Variants in MARK3 observed in about 807,000 individuals in gnomAD.
MARK3 encodes the protein MAP/microtubule affinity-regulating kinase 3.
A neutral mutation model predicts 90.1 loss-of-function variants in MARK3; 46 were observed. The ratio of observed to expected loss-of-function variants is 0.51; its 90% CI spans 0.40 to 0.65. MARK3 has a LOEUF of 0.65. Among genes scored for constraint, MARK3 ranks in the 30% least tolerant of loss-of-function variants. The probability of loss-of-function intolerance (pLI) is 0.00; values close to 1 mark genes in which losing one functional copy is unlikely to be tolerated. For missense variants in MARK3, 818 were observed against 947.2 expected (o/e 0.86, Z 1.79); for synonymous variants, 321 against 332.6 (o/e 0.97, Z 0.38).
intron 2 of MARK3, among the ~76,000 whole-genome samples, chr14:103,414,191 ACTTTT>A (rs1012082418): frequency 6.8e-5 from 10 of 147,616 alleles, no homozygotes; most frequent in African/African-American, 1.5e-4. Flanking sequence ...ATTACTTAGT[ACTTTT>A]CTTTTCTTTC....
At chr14:103,393,388 G>A (rs2090388927) in intron 1 of MARK3, among the ~76,000 whole-genome samples, 1 of 152,108 alleles carries the variant, frequency 6.6e-6, no homozygotes, top group South Asian at 2.1e-4. Context: ...AGGAGGCTAA[G>A]GCCAGAGGAT....
intron 14 of MARK3, chr14:103,491,207 A>G: frequency 1.1e-6 from 1 of 894,348 alleles, no homozygotes; most frequent in Non-Finnish European, 1.5e-6. Context: ...ACAGTTGTCC[A>G]CAAGGCGTCC....
At chr14:103,412,512 C>G in intron 2 of MARK3, 1 of 519,584 alleles carries the variant, frequency 1.9e-6, no homozygotes, top group South Asian at 1.9e-5. Context: ...ACCTCAGTGT[C>G]CACTTGGGGG....
intron 2 of MARK3, among the ~76,000 whole-genome samples, chr14:103,418,423 T>C (rs756229973): frequency 2.0e-5 from 3 of 152,110 alleles, no homozygotes; most frequent in Non-Finnish European, 4.4e-5. Flanking sequence ...GAATAGGACA[T>C]GTTTGACCAC....
chr14:103,389,617 A>G (rs1049975385), intron 1 of MARK3, among the ~76,000 whole-genome samples: 20 of 150,246 alleles, frequency 1.3e-4, no homozygotes, highest in African/African-American at 4.6e-4. Context: ...ATTTCCAAAT[A>G]TTAATGTCCA....
At chr14:103,494,164 G>T (rs2075184529) in intron 15 of MARK3, among the ~76,000 whole-genome samples, 1 of 151,500 alleles carries the variant, frequency 6.6e-6, no homozygotes, top group African/African-American at 2.4e-5. Flanking sequence ...AACCTGGGAG[G>T]CGGAGGTTGC....
At chr14:103,473,711 TTTTG>T (rs763503594) in intron 12 of MARK3, among the ~76,000 whole-genome samples, 11 of 152,166 alleles carry the variant, frequency 7.2e-5, no homozygotes, top group Non-Finnish European at 8.8e-5. Context: ...CACTCCCGGT[TTTTG>T]TTTGTTTGTT....
chr14:103,452,974 G>A (rs542669208), intron 5 of MARK3, among the ~76,000 whole-genome samples: 1 of 152,290 alleles, frequency 6.6e-6, no homozygotes, highest in African/African-American at 2.4e-5. Context: ...TGAAACAAAT[G>A]TGTGCTTTGG....
intron 1 of MARK3, among the ~76,000 whole-genome samples, chr14:103,392,680 T>C (rs1365493370): frequency 2.6e-5 from 4 of 152,364 alleles, no homozygotes; most frequent in South Asian, 4.1e-4. Flanking sequence ...AAAAACTGTT[T>C]ATTAAAAATT....
At position 103,390,680 on chromosome 14, in the gene MARK3, T is replaced by TA. The variant is rs1206779737; in HGVS notation, c.51+4601dup. Among the ~76,000 whole-genome samples the TA allele has an allele frequency of 2.6e-5, 4 of 152,342 alleles. No individual in the cohort carries two copies. The East Asian group carries it at 7.7e-4, about 29-fold the overall frequency. On this transcript the variant is annotated intron_variant, in intron 1 of 17. Transcript: ENST00000429436. The stretch of plus-strand genomic sequence containing the variant: ...AGCTGTGGTGGGCTGCATGCAGCCC[T>TA]AGGGCTGTGGGTTGGACAAGCTTGC...
intron 1 of MARK3, 99 bp downstream of exon 1, chr14:103,386,179 C>T (rs1283416889): frequency 2.5e-6 from 3 of 1,181,956 alleles, no homozygotes; most frequent in East Asian, 2.3e-5. Flanking sequence ...GCCGAACGCT[C>T]TGGAAATAGA....
At chr14:103,427,367 T>G (rs890390007) in intron 2 of MARK3, among the ~76,000 whole-genome samples, 1 of 150,914 alleles carries the variant, frequency 6.6e-6, no homozygotes, top group Non-Finnish European at 1.5e-5. Flanking sequence ...GTCGTGGTGG[T>G]GCGCACCTGT....
chr14:103,493,334 A>G (rs531416952), intron 15 of MARK3, among the ~76,000 whole-genome samples: 16 of 139,884 alleles, frequency 1.1e-4, no homozygotes, highest in Non-Finnish European at 2.2e-4. Context: ...GGCTAACTTC[A>G]ACCTCCGCCT....
In MARK3 at chr14:103,452,471, C is replaced by CTTTTTTT. The variant is rs71126026; in HGVS notation, c.412+500_412+506dup. Among the ~76,000 whole-genome samples, 166 of 97,466 alleles carry CTTTTTTT rather than the reference C, an allele frequency of 1.7e-3. 16 individuals are homozygous for CTTTTTTT. The highest frequency in any genetic ancestry group is 7.2e-3 in the Middle Eastern group (1 of 138). 63.9% of individuals were successfully genotyped at this position (97,466 alleles called of 152,430 possible). A position where few individuals can be genotyped will look rare whatever the true frequency, so the allele number is the denominator to read the frequency against. ...ACAAGTGGAATTTTACAGGATTTGTCTTTTTTTTTTTTTTTTTTGAGACGG... is the reference window on the plus strand; with the variant it reads ...ACAAGTGGAATTTTACAGGATTTGTCTTTTTTTTTTTTTTTTTTTTTTTTTGAGACGG... On this transcript the variant is annotated intron_variant, in intron 5 of 17. Transcript: ENST00000429436.
At position 103,475,213 on chromosome 14, in the gene MARK3, A is replaced by G. The variant is rs1028375637; in HGVS notation, c.1482+3A>G. On this transcript the variant is annotated splice_donor_region_variant and intron_variant, in intron 13 of 17. Coordinates refer to ENST00000429436, the MANE Select transcript of MARK3 (RefSeq NM_001128918.3). ...AGAAAAGCTCCACTGTCCCTAGTGT[A>G]AGTGTTGTTGAACTATAGAGTGGTC... is the stretch of plus-strand genomic sequence containing the variant. 6.2e-7 allele frequency: 1 copy of G among 1,612,466 alleles called. No homozygotes were observed. The highest frequency in any genetic ancestry group is 1.1e-5 in the South Asian group (1 of 91,008).
At chr14:103,396,648 T>A (rs2090599043) in intron 1 of MARK3, among the ~76,000 whole-genome samples, 1 of 152,186 alleles carries the variant, frequency 6.6e-6, no homozygotes, top group African/African-American at 2.4e-5. Flanking sequence ...TGGGTTGTTG[T>A]AGTAGAGTAG....
intron 5 of MARK3, among the ~76,000 whole-genome samples, chr14:103,453,869 G>C (rs1320010206): frequency 6.6e-6 from 1 of 152,188 alleles, no homozygotes; most frequent in African/African-American, 2.4e-5. Context: ...AATGGAGGCT[G>C]GGAAGTCTCA....
chr14:103,414,259 G>A (rs933310671), intron 2 of MARK3, among the ~76,000 whole-genome samples: 2 of 149,198 alleles, frequency 1.3e-5, no homozygotes, highest in Admixed American at 6.7e-5. Flanking sequence ...AGGCTGGAGT[G>A]CAATGGCTCA....
chr14:103,465,799 A>G lies in MARK3; in HGVS notation c.777+6A>G. 1 of 1,609,992 alleles carries G rather than the reference A, an allele frequency of 6.2e-7. No individual in the cohort carries two copies. Among genetic ancestry groups the G allele is most frequent in the Non-Finnish European group, 8.5e-7 (1 of 1,176,820 alleles). ...TTGATGGGCAAAACCTAAAGGTATA[A>G]GAAGCTGCACCCATGTACTTCACTA... On this transcript the variant is annotated splice_donor_region_variant and intron_variant, in intron 8 of 17. Coordinates refer to ENST00000429436, the MANE Select transcript of MARK3 (RefSeq NM_001128918.3).
Sources: allele counts gnomAD v4.1 joint callset (sites outside exome capture counted in the v4.1 genomes callset), GRCh38; gene constraint gnomAD v4.1.1; transcripts MANE v1.5; gene names NCBI Gene and HGNC (gene_info 2026-07-23, HGNC 2026-07-21).